The following PDE4B variants were observed in gnomAD, a reference collection of about 807,000 sequenced individuals.
PDE4B encodes the protein 3',5'-cyclic-AMP phosphodiesterase 4B.
Under a neutral mutation model 82.2 loss-of-function variants are expected in PDE4B, and 20 were observed. That is an observed-to-expected ratio of 0.24 (90% CI 0.17 to 0.35). The LOEUF (loss-of-function observed/expected upper bound fraction) is 0.35. PDE4B is among the 10% of genes least tolerant of loss of function. The probability of loss-of-function intolerance (pLI) is 1.00; values close to 1 mark genes in which losing one functional copy is unlikely to be tolerated. For missense variants in PDE4B, 655 were observed against 907.2 expected (o/e 0.72, Z 3.57); for synonymous variants, 320 against 318.9 (o/e 1.00, Z -0.04).
At chr1:66,122,281 A>T (rs1645724866) in intron 3 of PDE4B, among the ~76,000 whole-genome samples, 2 of 152,212 alleles carry the variant, frequency 1.3e-5, no homozygotes, top group Admixed American at 6.5e-5. Flanking sequence ...GGGACATGTT[A>T]AGTGCTCAGT....
chr1:66,192,950 A>T (rs1647959227), intron 3 of PDE4B, among the ~76,000 whole-genome samples: 1 of 152,192 alleles, frequency 6.6e-6, no homozygotes, highest in African/African-American at 2.4e-5. Flanking sequence ...AGTCACACAA[A>T]TATAAAGACT....
At chr1:65,874,449 A>C (rs1646614171) in intron 1 of PDE4B, among the ~76,000 whole-genome samples, 1 of 152,122 alleles carries the variant, frequency 6.6e-6, no homozygotes, top group Non-Finnish European at 1.5e-5. Flanking sequence ...AACTTCCAAC[A>C]CTATGTTGAA....
chr1:66,334,383 C>T (rs1660349254), intron 8 of PDE4B, among the ~76,000 whole-genome samples: 2 of 152,184 alleles, frequency 1.3e-5, no homozygotes, highest in African/African-American at 2.4e-5. Context: ...TGGAATTAGA[C>T]ATTGACTGTC....
rs959130737 is a variant in PDE4B at position 66,021,792 on chromosome 1, C to A, written c.281+102957C>A. On this transcript the variant is annotated intron_variant, in intron 3 of 16. Coordinates refer to ENST00000341517, the MANE Select transcript of PDE4B (RefSeq NM_002600.4). Reference sequence around the variant, plus strand: ...TTGGCTTAGGATTGTCTTGGCAATGCGGGCTCTTTTTTGGTTCCATATGAA... The same window carrying A: ...TTGGCTTAGGATTGTCTTGGCAATGAGGGCTCTTTTTTGGTTCCATATGAA... 9.2e-5 allele frequency among the ~76,000 whole-genome samples: 14 copies of A among 152,176 alleles called. No homozygotes were observed. The South Asian group carries it at 1.0e-3, about 11-fold the overall frequency.
At chr1:65,797,246 G>A (rs775369147) in intron 1 of PDE4B, among the ~76,000 whole-genome samples, 3 of 152,078 alleles carry the variant, frequency 2.0e-5, no homozygotes, top group African/African-American at 2.4e-5. Flanking sequence ...GAGCCACTGC[G>A]CCCGGCCAAC....
chr1:65,808,319 GCACCAC>G (rs935852792), intron 1 of PDE4B, among the ~76,000 whole-genome samples: 1 of 151,948 alleles, frequency 6.6e-6, no homozygotes, highest in Non-Finnish European at 1.5e-5. Flanking sequence ...CTACAGGCAT[GCACCAC>G]CACACCTGGC....
intron 7 of PDE4B, among the ~76,000 whole-genome samples, chr1:66,270,017 T>A (rs1655349398): frequency 6.6e-6 from 1 of 152,216 alleles, no homozygotes; most frequent in African/African-American, 2.4e-5. Context: ...ACAGATCAGA[T>A]GTTATGAAAA....
chr1:65,874,865 A>G (rs1646619987), intron 1 of PDE4B, among the ~76,000 whole-genome samples: 1 of 152,156 alleles, frequency 6.6e-6, no homozygotes, highest in Admixed American at 6.6e-5. Context: ...CTAGGCTAAT[A>G]TTACCATTCA....
At chr1:65,884,051 T>C (rs867937716) in intron 1 of PDE4B, among the ~76,000 whole-genome samples, 11 of 152,216 alleles carry the variant, frequency 7.2e-5, no homozygotes, top group South Asian at 4.2e-4. Flanking sequence ...CTGCTGGATT[T>C]GGTTTGCCAG....
rs560660771 is a variant in PDE4B, at chr1:65,972,508, T to G, written c.281+53673T>G. ...GGTGTGATAAAGCTGAATATATTCC[T>G]GTGGAAGAAACAATTTGTAATCTGG... On this transcript the variant is annotated intron_variant, in intron 3 of 16. Coordinates refer to ENST00000341517, the MANE Select transcript of PDE4B (RefSeq NM_002600.4). 2.6e-5 allele frequency among the ~76,000 whole-genome samples: 4 copies of G among 152,316 alleles called. No homozygotes were observed. In the South Asian group the frequency reaches 8.3e-4, roughly 32 times the overall value.
intron 3 of PDE4B, among the ~76,000 whole-genome samples, chr1:66,130,114 A>G (rs1394322471): frequency 2.0e-5 from 3 of 152,218 alleles, no homozygotes; most frequent in Non-Finnish European, 2.9e-5. Flanking sequence ...AAATCTTTAC[A>G]TGACTTAGAA....
At chr1:66,221,358 C>T (rs1323900387) in intron 3 of PDE4B, among the ~76,000 whole-genome samples, 1 of 152,060 alleles carries the variant, frequency 6.6e-6, no homozygotes, top group Non-Finnish European at 1.5e-5. Flanking sequence ...TTTATTATGT[C>T]AGCAGACTTT....
At chr1:66,048,120 G>A (rs145864429) in intron 3 of PDE4B, among the ~76,000 whole-genome samples, 11 of 151,808 alleles carry the variant, frequency 7.2e-5, no homozygotes, top group African/African-American at 2.7e-4. Flanking sequence ...GAAAGCTCAC[G>A]GTTCTCTCAT....
At chr1:66,336,666 G>A (rs1214581741) in intron 8 of PDE4B, among the ~76,000 whole-genome samples, 1 of 151,748 alleles carries the variant, frequency 6.6e-6, no homozygotes, top group Non-Finnish European at 1.5e-5. Flanking sequence ...TTTTTAGAAT[G>A]AAGCATTAGG....
At chr1:65,978,025 A>ATT (rs5774781) in intron 3 of PDE4B, among the ~76,000 whole-genome samples, 1 of 104,756 alleles carries the variant, frequency 9.5e-6, no homozygotes, top group Non-Finnish European at 2.0e-5. Context: ...TTAATTTTTA[A>ATT]TTTTTTTTTT....
At chr1:66,359,316 TG>T (rs1470444231) in intron 9 of PDE4B, among the ~76,000 whole-genome samples, 2 of 152,262 alleles carry the variant, frequency 1.3e-5, no homozygotes, top group East Asian at 3.8e-4. Context: ...GCTTTTTGTT[TG>T]TTTTATACAG....
intron 3 of PDE4B, among the ~76,000 whole-genome samples, chr1:66,231,287 A>G (rs1479394420): frequency 6.6e-6 from 1 of 152,220 alleles, no homozygotes; most frequent in African/African-American, 2.4e-5. Context: ...TGGCACAGAA[A>G]ACAGTAATCC....
At chr1:65,974,233 A>C (rs184929981) in intron 3 of PDE4B, among the ~76,000 whole-genome samples, 14 of 152,330 alleles carry the variant, frequency 9.2e-5, no homozygotes, top group African/African-American at 3.4e-4. Flanking sequence ...AATAAACTAA[A>C]AAATGTTCTT....
intron 7 of PDE4B, among the ~76,000 whole-genome samples, chr1:66,314,806 C>G (rs7555916): frequency 6.6e-6 from 1 of 152,180 alleles, no homozygotes; most frequent in Non-Finnish European, 1.5e-5. Flanking sequence ...GTATGGTTAC[C>G]GTTGCCTGGC....
Sources: allele counts gnomAD v4.1 joint callset (sites outside exome capture counted in the v4.1 genomes callset), GRCh38; gene constraint gnomAD v4.1.1; transcripts MANE v1.5; gene names NCBI Gene and HGNC (gene_info 2026-07-23, HGNC 2026-07-21).